AGBL1: variants seen among roughly 807,000 people sequenced by gnomAD.
The protein encoded by AGBL1 is AGBL carboxypeptidase 1.
In AGBL1, 130 loss-of-function variants were observed where a neutral mutation model predicts 118.9. The observed-to-expected ratio is 1.09, with a 90% CI of 0.95 to 1.26. The LOEUF (loss-of-function observed/expected upper bound fraction) is 1.26. AGBL1 is among the 50% of genes most tolerant of loss of function. AGBL1 has a pLI of 0.00. For synonymous variants in AGBL1, 555 were observed against 478.9 expected, an observed-to-expected ratio of 1.16 and a Z score of -2.08; for missense variants, 1,584 against 1,298.1, an observed-to-expected ratio of 1.22 and a Z score of -3.38.
At chr15:86,356,885 G>T (rs74027518) in intron 17 of AGBL1, among the ~76,000 whole-genome samples, 3,277 of 152,228 alleles carry the variant, frequency 0.022, 121 homozygotes, top group African/African-American at 0.076. Flanking sequence ...TACCAGAATT[G>T]TCCAACATTA....
chr15:86,867,102 G>A lies in AGBL1; in HGVS notation c.3159-39985G>A, dbSNP rs117679916. ...GAGTGAGTAATGAGGAAGAAGAGGG[G>A]TCATGTCATAAACACACTTGCATCT... On this transcript the variant is annotated intron_variant, in intron 22 of 22. Transcript: ENST00000614907. 4.4e-3 allele frequency among the ~76,000 whole-genome samples: 675 copies of A among 152,098 alleles called. 16 individuals carry two copies. The highest frequency in any genetic ancestry group is 0.022 in the East Asian group (115 of 5,148).
intron 24 of AGBL1, among the ~76,000 whole-genome samples, chr15:86,995,386 A>C (rs940325041): frequency 6.6e-6 from 1 of 152,180 alleles, no homozygotes; most frequent in African/African-American, 2.4e-5. Context: ...AACCTGTCTC[A>C]AAAATAAATA....
chr15:86,540,121 C>T (rs1423387374), intron 19 of AGBL1, among the ~76,000 whole-genome samples: 1 of 152,092 alleles, frequency 6.6e-6, no homozygotes, highest in Non-Finnish European at 1.5e-5. Context: ...ACCTACTTCA[C>T]CATGGGATAA....
chr15:86,180,075 G>A (rs146442107), intron 5 of AGBL1, among the ~76,000 whole-genome samples: 1 of 152,114 alleles, frequency 6.6e-6, no homozygotes, highest in African/African-American at 2.4e-5. Context: ...ATAACTAGAG[G>A]TAATGGTTCA....
chr15:86,738,011 TA>T (rs1314527013), intron 22 of AGBL1, among the ~76,000 whole-genome samples: 1 of 152,180 alleles, frequency 6.6e-6, no homozygotes, highest in Non-Finnish European at 1.5e-5. Context: ...ATAAATGTGA[TA>T]TATCACATCA....
intron 22 of AGBL1, among the ~76,000 whole-genome samples, chr15:86,778,685 A>G (rs1395826988): frequency 6.6e-6 from 1 of 152,142 alleles, no homozygotes. Flanking sequence ...TCTTTTTTCA[A>G]GGTGCCCAGA....
At chr15:86,216,101 A>T (rs1413462124) in intron 5 of AGBL1, among the ~76,000 whole-genome samples, 2 of 152,214 alleles carry the variant, frequency 1.3e-5, no homozygotes, top group African/African-American at 4.8e-5. Context: ...TTAATCTGTT[A>T]TCATGGCCAC....
intron 22 of AGBL1, among the ~76,000 whole-genome samples, chr15:86,699,169 A>G (rs1024268819): frequency 6.6e-6 from 1 of 151,780 alleles, no homozygotes; most frequent in Non-Finnish European, 1.5e-5. Flanking sequence ...TTTCAAAAAA[A>G]TTTTGTATAT....
At chr15:86,147,552 T>A (rs1025355582) in intron 3 of AGBL1, among the ~76,000 whole-genome samples, 1 of 152,138 alleles carries the variant, frequency 6.6e-6, no homozygotes, top group Non-Finnish European at 1.5e-5. Context: ...GCAGCCTGGC[T>A]GGGGGAAGGG....
Position 86,143,768 on chromosome 15 carries a change from A to T in AGBL1, c.185A>T (p.Asp62Val). Residue 62 changes from aspartate (D) to valine (V), a missense_variant, in exon 3 of 23, where the codon GAC becomes GTC. Transcript: ENST00000614907. ...GAAGCTCTTCTGCAGACCCTGGTAGACACAGCGAGGACAGCTCCTCCAGAC... is the reference window on the plus strand; with the variant it reads ...GAAGCTCTTCTGCAGACCCTGGTAGTCACAGCGAGGACAGCTCCTCCAGAC... ...GSEALLQTLV[D>V]TARTAPPDYD... 6.2e-7 allele frequency: 1 copy of T among 1,613,932 alleles called. No homozygotes were observed. The highest frequency in any genetic ancestry group is 8.5e-7 in the Non-Finnish European group (1 of 1,179,826).
At chr15:86,945,879 G>T (rs1464709769) in intron 23 of AGBL1, among the ~76,000 whole-genome samples, 1 of 152,172 alleles carries the variant, frequency 6.6e-6, no homozygotes, top group East Asian at 1.9e-4. Flanking sequence ...TCAGCTGAAG[G>T]ACAGCTCAGA....
chr15:86,947,826 A>G (rs2080841194), intron 23 of AGBL1, among the ~76,000 whole-genome samples: 1 of 152,224 alleles, frequency 6.6e-6, no homozygotes, highest in African/African-American at 2.4e-5. Flanking sequence ...TAATTCATAC[A>G]GATTATCTGA....
Position 86,824,150 on chromosome 15 carries a change from C to T in AGBL1, c.3159-82937C>T, listed in dbSNP as rs558235808. 2.0e-5 allele frequency among the ~76,000 whole-genome samples: 3 copies of T among 152,062 alleles called. No individual in the cohort carries two copies. In the South Asian group the frequency reaches 6.2e-4, roughly 32 times the overall value. ...GAAGAAATCAAATCCTCCCTATTTG[C>T]ACATAAGATTGTCTATGTAAAACAT... On this transcript the variant is annotated intron_variant, in intron 22 of 22. Coordinates refer to ENST00000614907, the MANE Select transcript of AGBL1 (RefSeq NM_001386094.1).
chr15:86,227,325 T>C (rs2078382311), intron 6 of AGBL1, among the ~76,000 whole-genome samples: 2 of 152,386 alleles, frequency 1.3e-5, no homozygotes, highest in Admixed American at 1.3e-4. Context: ...TCTTTGGTGT[T>C]AATTATAACA....
chr15:86,149,534 C>T (rs2077078419), intron 3 of AGBL1, among the ~76,000 whole-genome samples: 2 of 152,098 alleles, frequency 1.3e-5, no homozygotes, highest in East Asian at 1.9e-4. Context: ...ACAAAGAAGG[C>T]CATTGCATAA....
intron 22 of AGBL1, among the ~76,000 whole-genome samples, chr15:86,748,510 C>CTTTTTTTTTTTTTTTTTGTTT (rs2077793271): frequency 1.0e-4 from 1 of 9,754 alleles, no homozygotes; most frequent in Non-Finnish European, 2.7e-4. Flanking sequence ...TCAATTTTGG[C>CTTTTTTTTTTTTTTTTTGTTT]TTTTTTTTTT....
chr15:86,238,661 A>G (rs2078593376), intron 6 of AGBL1, among the ~76,000 whole-genome samples: 1 of 152,208 alleles, frequency 6.6e-6, no homozygotes, highest in South Asian at 2.1e-4. Flanking sequence ...CCTTGGTAAG[A>G]AGCACCTTAA....
chr15:86,880,052 T>C (rs1231876267), intron 22 of AGBL1, among the ~76,000 whole-genome samples: 1 of 152,186 alleles, frequency 6.6e-6, no homozygotes, highest in Non-Finnish European at 1.5e-5. Context: ...AAGTGATGGA[T>C]CACTAGAGCG....
At chr15:86,442,707 A>G (rs1205263825) in intron 18 of AGBL1, among the ~76,000 whole-genome samples, 4 of 152,214 alleles carry the variant, frequency 2.6e-5, no homozygotes, top group Non-Finnish European at 5.9e-5. Context: ...GCCACCTCTT[A>G]TAGCTCTGGT....
Sources: allele counts gnomAD v4.1 joint callset (sites outside exome capture counted in the v4.1 genomes callset), GRCh38; gene constraint gnomAD v4.1.1; transcripts MANE v1.5; gene names NCBI Gene and HGNC (gene_info 2026-07-23, HGNC 2026-07-21).